EVC2: variants seen among roughly 807,000 people sequenced by gnomAD.
The protein encoded by EVC2 is EvC ciliary complex subunit 2, also known as limbin.
A neutral mutation model predicts 149.3 loss-of-function variants in EVC2; 148 were observed. The observed-to-expected ratio is 0.99, with a 90% CI of 0.87 to 1.14. The LOEUF (loss-of-function observed/expected upper bound fraction) is 1.14, where lower values mean the gene tolerates loss of function less well. Among genes scored for constraint, EVC2 ranks in the 50% most tolerant of loss-of-function variants. EVC2 has a pLI of 0.00. For synonymous variants in EVC2, 776 were observed against 649.9 expected (o/e 1.19, Z -2.95); for missense variants, 1,854 against 1,627.3 (o/e 1.14, Z -2.40).
At chr4:5,595,027 A>T (rs948819589) in intron 16 of EVC2, among the ~76,000 whole-genome samples, 39 of 152,326 alleles carry the variant, frequency 2.6e-4, no homozygotes, top group Admixed American at 7.8e-4. Flanking sequence ...AAAAAAGAAT[A>T]AAAAGAAACG....
At chr4:5,708,251 A>G (rs1193600594) in intron 1 of EVC2, 35 bp downstream of exon 1, 4 of 1,461,652 alleles carry the variant, frequency 2.7e-6, no homozygotes, top group African/African-American at 3.0e-5. Context: ...AAACCACTAC[A>G]GTCAGACCGG....
rs777051922 is a variant in EVC2 at position 5,670,077 on chromosome 4, C to A, written c.871-4428G>T. Among the ~76,000 whole-genome samples the A allele has an allele frequency of 6.8e-4, 103 of 152,316 alleles. No homozygotes were observed. Among genetic ancestry groups the A allele is most frequent in the Middle Eastern group, 3.4e-3 (1 of 294 alleles). On this transcript the variant is annotated intron_variant, in intron 7 of 21. Coordinates refer to ENST00000344408, the MANE Select transcript of EVC2 (RefSeq NM_147127.5). The surrounding 1 kb of genome is among the most constrained non-coding windows in gnomAD (Gnocchi z 5.2). ...TCCTGCCCTGCCTACAATGCCTCTACTCTTCAATCTTCTTCCTCAGTGAAG... is the reference window on the plus strand; with the variant it reads ...TCCTGCCCTGCCTACAATGCCTCTAATCTTCAATCTTCTTCCTCAGTGAAG...
intron 17 of EVC2, among the ~76,000 whole-genome samples, chr4:5,580,428 C>T (rs951450967): frequency 9.9e-5 from 15 of 152,170 alleles, no homozygotes; most frequent in Non-Finnish European, 1.9e-4. Flanking sequence ...AGGATAAAAT[C>T]GAAAATGTAA....
At chr4:5,681,529 C>T (rs184619067) in intron 6 of EVC2, among the ~76,000 whole-genome samples, 133 of 152,242 alleles carry the variant, frequency 8.7e-4, no homozygotes, top group African/African-American at 2.8e-3. Flanking sequence ...ATCCAAACAC[C>T]AGCTTCGCTA....
At chr4:5,582,122 A>C (rs1442301670) in intron 17 of EVC2, among the ~76,000 whole-genome samples, 7 of 152,224 alleles carry the variant, frequency 4.6e-5, no homozygotes, top group Admixed American at 4.6e-4. Flanking sequence ...TGGAGCCCCC[A>C]CACAGAGTCC....
Position 5,708,290 on chromosome 4 carries a change from G to C in EVC2, c.224C>G (p.Thr75Arg). Reference protein sequence around the residue: ...GRSGAGPESSTQDLPCMIWPK... With the variant: ...GRSGAGPESSRQDLPCMIWPK... Reference sequence around the variant, plus strand: ...CTGGGGTCGGGCCCTCCTTACCTGCGTGCTGCTCTCGGGCCCCGCCCCGCT... The same window carrying C: ...CTGGGGTCGGGCCCTCCTTACCTGCCTGCTGCTCTCGGGCCCCGCCCCGCT... Residue 75 changes from threonine to arginine, a missense_variant, in exon 1 of 22, where the codon ACG (threonine) becomes AGG (arginine). Physicochemically the swap from Thr to Arg is moderately conservative, Grantham distance 71 (BLOSUM62 -1). Coordinates refer to ENST00000344408, the MANE Select transcript of EVC2 (RefSeq NM_147127.5). 1 of 1,476,576 alleles carries C rather than the reference G, an allele frequency of 6.8e-7. No individual in the cohort carries two copies. Among genetic ancestry groups the C allele is most frequent in the South Asian group, 1.3e-5 (1 of 76,394 alleles). 91.5% of individuals were successfully genotyped at this position (1,476,576 alleles called of 1,614,324 possible). A position where few individuals can be genotyped will look rare whatever the true frequency, so the allele number is the denominator to read the frequency against.
chr4:5,574,803 A>T lies in EVC2; in HGVS notation c.3273-31T>A, dbSNP rs780940819. ...GTGAAAATAAAATATACGTAAGTTC[A>T]GTTTTGTTATAAAGTGATACTATGA... On this transcript the variant is annotated intron_variant, in intron 18 of 21. Coordinates refer to ENST00000344408, the MANE Select transcript of EVC2 (RefSeq NM_147127.5). 2.5e-6 allele frequency: 4 copies of T among 1,603,476 alleles called. No individual in the cohort carries two copies. The Admixed American group carries it at 5.0e-5, about 20-fold the overall frequency.
chr4:5,602,093 A>G lies in EVC2; in HGVS notation c.2829+13329T>C, dbSNP rs115902992. Among the ~76,000 whole-genome samples, 1,067 of 152,228 alleles carry G rather than the reference A, an allele frequency of 7.0e-3. 10 individuals are homozygous for G. The highest frequency in any genetic ancestry group is 0.024 in the African/African-American group (994 of 41,534). On this transcript the variant is annotated intron_variant, in intron 16 of 21. Coordinates refer to ENST00000344408, the MANE Select transcript of EVC2 (RefSeq NM_147127.5). ...AGTTCAAGACCAGCCTGGGCAATGTAGTGAGAAACCTGTCCCTATAAAAAA... is the reference window on the plus strand; with the variant it reads ...AGTTCAAGACCAGCCTGGGCAATGTGGTGAGAAACCTGTCCCTATAAAAAA...
the EVC2 span, among the ~76,000 whole-genome samples, chr4:5,529,019 A>G: frequency 3.3e-5 from 5 of 150,516 alleles, no homozygotes; most frequent in Admixed American, 6.6e-5. This position sits in a 1 kb window ranked among gnomAD's most constrained non-coding sequence, Gnocchi z 4.5. Context: ...TAGTCGTACA[A>G]GGATATATAT....
chr4:5,697,475 A>G (rs534710320), intron 2 of EVC2, 118 bp downstream of exon 2: 3 of 1,037,990 alleles, frequency 2.9e-6, no homozygotes, highest in South Asian at 2.7e-5. Context: ...CTACTTGCCC[A>G]AAGTAGAGAG....
At chr4:5,695,581 G>T (rs1462880722) in intron 2 of EVC2, among the ~76,000 whole-genome samples, 3 of 152,180 alleles carry the variant, frequency 2.0e-5, no homozygotes, top group African/African-American at 7.2e-5. Context: ...CCTCACCTGG[G>T]TGTGTGGTTA....
At chr4:5,672,106 G>A (rs1014505684) in intron 7 of EVC2, among the ~76,000 whole-genome samples, 1 of 152,214 alleles carries the variant, frequency 6.6e-6, no homozygotes, top group African/African-American at 2.4e-5. Context: ...GCCACAGTGT[G>A]CCTGGGCTGA....
At position 5,679,069 on chromosome 4, in the gene EVC2, CAA is replaced by C. The variant is rs151115578; in HGVS notation, c.870+2189_870+2190del. Among the ~76,000 whole-genome samples the C allele has an allele frequency of 0.076, 10,928 of 143,770 alleles. 459 individuals carry two copies. Among genetic ancestry groups the C allele is most frequent in the East Asian group, 0.2 (984 of 4,966 alleles). The allele number at this position is 143,770 out of a possible 152,430, so 94.3% of individuals were successfully genotyped here. Reference sequence around the variant, plus strand: ...AGAAAAGAAAAATATGTACAAAAGACAAAAAAAAAAATACACTCGTATAGGAA... The same window carrying C: ...AGAAAAGAAAAATATGTACAAAAGACAAAAAAAAATACACTCGTATAGGAA... On this transcript the variant is annotated intron_variant, in intron 7 of 21. Transcript: ENST00000344408. The surrounding 1 kb of genome is among the most constrained non-coding windows in gnomAD (Gnocchi z 5.1).
rs1270446777 is a variant in EVC2, at chr4:5,622,564, A to G, written c.2474T>C (p.Leu825Pro). 1.2e-6 allele frequency: 2 copies of G among 1,613,952 alleles called. No individual in the cohort carries two copies. The highest frequency in any genetic ancestry group is 1.7e-5 in the Admixed American group (1 of 60,022). The change falls in exon 14 of 22, where the codon CTG becomes CCG. Residue 825 changes from leucine to proline, a missense_variant. By Grantham distance (98) the Leu-to-Pro change is moderately conservative (BLOSUM62 -3). Coordinates refer to ENST00000344408, the MANE Select transcript of EVC2 (RefSeq NM_147127.5). This position sits in a 1 kb window ranked among gnomAD's most constrained non-coding sequence, Gnocchi z 5.8. ...PEAVTEEQAE[L>P]RRWEHLIFMK... ...GAAGATCAGGTGCTCCCAGCGTCGCAGCTCTGCCTGCTCCTCTGTCACGGC... is the reference window on the plus strand; with the variant it reads ...GAAGATCAGGTGCTCCCAGCGTCGCGGCTCTGCCTGCTCCTCTGTCACGGC...
At chr4:5,573,339 G>A (rs1365614693) in intron 19 of EVC2, among the ~76,000 whole-genome samples, 1 of 152,206 alleles carries the variant, frequency 6.6e-6, no homozygotes, top group Non-Finnish European at 1.5e-5. Flanking sequence ...GTCCTTAAAA[G>A]TAGAGACCTT....
At chr4:5,700,714 A>G (rs2151742798) in intron 1 of EVC2, among the ~76,000 whole-genome samples, 1 of 152,252 alleles carries the variant, frequency 6.6e-6, no homozygotes, top group African/African-American at 2.4e-5. Flanking sequence ...CACTCTGGGC[A>G]ACCGCTCCCA....
rs143082667 is a variant in EVC2 at position 5,607,205 on chromosome 4, A to G, written c.2829+8217T>C. Among the ~76,000 whole-genome samples, 584 of 152,240 alleles carry G rather than the reference A, an allele frequency of 3.8e-3. 3 individuals carry two copies. Among genetic ancestry groups the G allele is most frequent in the African/African-American group, 0.013 (552 of 41,550 alleles). On this transcript the variant is annotated intron_variant, in intron 16 of 21. Coordinates refer to ENST00000344408, the MANE Select transcript of EVC2 (RefSeq NM_147127.5). ...TCATGGGAAGGGACATGAGGATGAT[A>G]AGGAAACTGGGACCGTCTCAAGCAA...
chr4:5,707,333 C>T (rs931045369), intron 1 of EVC2, among the ~76,000 whole-genome samples: 2 of 152,212 alleles, frequency 1.3e-5, no homozygotes, highest in Middle Eastern at 3.4e-3. Context: ...CTGCCAGTGT[C>T]GCAAGTGTCC....
the EVC2 span, among the ~76,000 whole-genome samples, chr4:5,536,210 T>A: frequency 2.0e-5 from 3 of 152,160 alleles, no homozygotes; most frequent in African/African-American, 7.2e-5. Flanking sequence ...TATAAGATAC[T>A]ATTCTCTAAA....
Sources: gnomAD v4.1 joint callset for allele counts (sites outside exome capture counted in the v4.1 genomes callset) on GRCh38, gnomAD v4.1.1 for gene constraint, Gnocchi (gnomAD v3.1) non-coding constraint, MANE v1.5 for transcripts, NCBI Gene and HGNC (gene_info 2026-07-23, HGNC 2026-07-21) for gene names.